The following ESRRB variants were observed in gnomAD, a reference collection of about 807,000 sequenced individuals.
ESRRB encodes the protein estrogen related receptor beta.
In ESRRB, 16 loss-of-function variants were observed where a neutral mutation model predicts 46.0. The ratio of observed to expected loss-of-function variants is 0.35; its 90% CI spans 0.24 to 0.53. ESRRB has a LOEUF of 0.53. Among genes scored for constraint, ESRRB ranks in the 20% least tolerant of loss-of-function variants. ESRRB has a pLI of 0.93. For synonymous variants in ESRRB, 246 were observed against 259.6 expected, an observed-to-expected ratio of 0.95 and a Z score of 0.50; for missense variants, 488 against 607.4, an observed-to-expected ratio of 0.80 and a Z score of 2.07.
At chr14:76,367,178 A>G (rs559773371), upstream of ESRRB, among the ~76,000 whole-genome samples, 3 of 151,890 alleles carry the variant, frequency 2.0e-5, no homozygotes, top group African/African-American at 7.3e-5. Context: ...AGACATGATG[A>G]TGTGTGCTGT....
chr14:76,452,216 A>G (rs1008622504), intron 2 of ESRRB, among the ~76,000 whole-genome samples: 1 of 152,110 alleles, frequency 6.6e-6, no homozygotes, highest in Admixed American at 6.5e-5. Context: ...CTGGGATTAC[A>G]GGTGTGAGCC....
rs530479019 is a variant in ESRRB at position 76,455,067 on chromosome 14, A to C, written c.461-7478A>C. ...CCCCGTCTCTACTAAAAATACAAAA[A>C]TTAGCCAGGTGTGGTGGCGGGTGCC... On this transcript the variant is annotated intron_variant, in intron 2 of 6. Transcript: ENST00000644823. Among the ~76,000 whole-genome samples, 4 of 136,882 alleles carry C rather than the reference A, an allele frequency of 2.9e-5. No individual in the cohort carries two copies. In the East Asian group the frequency reaches 6.2e-4, roughly 21 times the overall value. The allele number at this position is 136,882 out of a possible 152,430, so 89.8% of individuals were successfully genotyped here.
intron 1 of ESRRB, among the ~76,000 whole-genome samples, chr14:76,431,020 G>T (rs1485961129): frequency 6.6e-6 from 1 of 152,200 alleles, no homozygotes; most frequent in East Asian, 1.9e-4. Flanking sequence ...TGAGAGGCCG[G>T]GCCTGATGGC....
chr14:76,339,018 G>A (rs1884160132), intron 1 of ESRRB, among the ~76,000 whole-genome samples: 1 of 152,170 alleles, frequency 6.6e-6, no homozygotes. Flanking sequence ...TGTGTCTCAT[G>A]TTTTGATAAA....
chr14:76,421,730 C>T (rs973927481), intron 1 of ESRRB, among the ~76,000 whole-genome samples: 5 of 152,242 alleles, frequency 3.3e-5, no homozygotes, highest in African/African-American at 1.2e-4. Flanking sequence ...GTCTGGCTCA[C>T]CTGCAGCCGG....
intron 1 of ESRRB, among the ~76,000 whole-genome samples, chr14:76,433,611 T>G (rs1887546366): frequency 6.6e-6 from 1 of 152,224 alleles, no homozygotes; most frequent in Admixed American, 6.5e-5. Flanking sequence ...AATGTGTTCA[T>G]GAAGGCACCC....
At chr14:76,386,516 A>G (rs1417788591) in intron 1 of ESRRB, among the ~76,000 whole-genome samples, 6 of 142,968 alleles carry the variant, frequency 4.2e-5, no homozygotes, top group Non-Finnish European at 9.0e-5. Context: ...GAGTGCAGTG[A>G]CACGATCTCG....
rs1890603404 is a variant in ESRRB at position 76,500,024 on chromosome 14, A to G, written c.*1566A>G. The G allele has an allele frequency of 6.4e-7, 1 of 1,558,866 alleles. No individual in the cohort carries two copies. Among genetic ancestry groups the G allele is most frequent in the Non-Finnish European group, 8.7e-7 (1 of 1,150,604 alleles). ...CTAGTCCAACCCCCCTCAATGAGAG[A>G]GGCAGGCAGATCTCACCCAGCACTA... On this transcript the variant is annotated 3_prime_UTR_variant, in exon 7 of 7. Coordinates refer to ENST00000644823, the MANE Select transcript of ESRRB (RefSeq NM_001379180.1).
intron 1 of ESRRB, among the ~76,000 whole-genome samples, chr14:76,414,425 G>A (rs183880339): frequency 3.3e-5 from 5 of 151,098 alleles, no homozygotes; most frequent in African/African-American, 4.9e-5. Context: ...GCAGTGCCTG[G>A]GCGCAGTACC....
chr14:76,362,153 C>T (rs1021090928), intron 1 of ESRRB, among the ~76,000 whole-genome samples: 20 of 152,188 alleles, frequency 1.3e-4, no homozygotes, highest in Admixed American at 6.5e-5. Context: ...GTGGGTGTAA[C>T]TAGTGTCTGT....
chr14:76,484,769 C>G (rs2140036343), intron 5 of ESRRB, among the ~76,000 whole-genome samples: 1 of 152,374 alleles, frequency 6.6e-6, no homozygotes, highest in South Asian at 2.1e-4. Flanking sequence ...AAGGCATAGA[C>G]TTTGGAATCA....
At chr14:76,323,603 C>T (rs570274461) in intron 1 of ESRRB, among the ~76,000 whole-genome samples, 1 of 152,296 alleles carries the variant, frequency 6.6e-6, no homozygotes, top group African/African-American at 2.4e-5. Context: ...AGCCACTGCA[C>T]CTGGTCTGGT....
At chr14:76,485,321 A>G (rs1487087436) in intron 5 of ESRRB, among the ~76,000 whole-genome samples, 2 of 147,346 alleles carry the variant, frequency 1.4e-5, no homozygotes, top group Non-Finnish European at 3.0e-5. Context: ...GCTCACTGCA[A>G]TCTCCTCCCA....
chr14:76,440,600 T>A (rs2139936546), intron 2 of ESRRB, among the ~76,000 whole-genome samples: 1 of 152,036 alleles, frequency 6.6e-6, no homozygotes, highest in Middle Eastern at 3.4e-3. Flanking sequence ...TCTCTCTCTC[T>A]CTCAACCCAT....
upstream of ESRRB, among the ~76,000 whole-genome samples, chr14:76,370,236 A>AG (rs575549261): frequency 6.6e-6 from 1 of 151,648 alleles, no homozygotes; most frequent in Non-Finnish European, 1.5e-5. Context: ...AAAAAAAAAA[A>AG]AAAACACAAA....
chr14:76,366,994 A>G (rs541141927), upstream of ESRRB, among the ~76,000 whole-genome samples: 1 of 152,280 alleles, frequency 6.6e-6, no homozygotes, highest in East Asian at 1.9e-4. Flanking sequence ...ATGGAAAGAA[A>G]GTCAGTGACC....
At chr14:76,371,764 C>T (rs1003053661), upstream of ESRRB, among the ~76,000 whole-genome samples, 6 of 152,184 alleles carry the variant, frequency 3.9e-5, no homozygotes, top group Non-Finnish European at 8.8e-5. Flanking sequence ...CCTGTTGGGT[C>T]TTGTCTTTTA....
intron 1 of ESRRB, among the ~76,000 whole-genome samples, chr14:76,424,056 G>T (rs1191794694): frequency 6.6e-6 from 1 of 152,180 alleles, no homozygotes; most frequent in Non-Finnish European, 1.5e-5. Flanking sequence ...GCACTTTCTG[G>T]CTGTGTGGTC....
intron 1 of ESRRB, among the ~76,000 whole-genome samples, chr14:76,434,515 C>T (rs1477151324): frequency 1.3e-5 from 2 of 151,910 alleles, no homozygotes; most frequent in Non-Finnish European, 2.9e-5. Flanking sequence ...CAAAAATTAG[C>T]CAGGCGTGGA....
Sources: allele counts gnomAD v4.1 joint callset (sites outside exome capture counted in the v4.1 genomes callset), GRCh38; gene constraint gnomAD v4.1.1; transcripts MANE v1.5; gene names NCBI Gene and HGNC (gene_info 2026-07-23, HGNC 2026-07-21).